The following ROS1 variants were observed in gnomAD, a reference collection of about 807,000 sequenced individuals.
The protein encoded by ROS1 is proto-oncogene tyrosine-protein kinase ROS.
ROS1 carries 263 observed loss-of-function variants against 273.5 expected under a neutral mutation model. The observed-to-expected ratio is 0.96, with a 90% CI of 0.87 to 1.06. The LOEUF (loss-of-function observed/expected upper bound fraction) is 1.06. Ranked by LOEUF, ROS1 falls within the 50% of genes least tolerant of loss-of-function variation. ROS1 has a pLI of 0.00. For missense variants in ROS1, 2,833 were observed against 2,751.1 expected, an observed-to-expected ratio of 1.03 and a Z score of -0.67; for synonymous variants, 1,008 against 954.1, an observed-to-expected ratio of 1.06 and a Z score of -1.04.
chr6:117,368,985 T>C (rs1349407561), intron 18 of ROS1, among the ~76,000 whole-genome samples: 1 of 152,222 alleles, frequency 6.6e-6, no homozygotes. Context: ...GTTTTTACTT[T>C]TTTTAATGAG....
chr6:117,386,640 A>G (rs1772604094), intron 15 of ROS1, among the ~76,000 whole-genome samples: 2 of 152,256 alleles, frequency 1.3e-5, no homozygotes. Context: ...CATCAGCATT[A>G]TATCAAAGCC....
intron 12 of ROS1, among the ~76,000 whole-genome samples, chr6:117,391,217 C>A (rs1030006820): frequency 6.6e-6 from 1 of 152,116 alleles, no homozygotes; most frequent in Non-Finnish European, 1.5e-5. Context: ...TCCCTGAGGA[C>A]GGATTGTAGC....
chr6:117,300,858 T>C, intron 43 of ROS1, 116 bp downstream of exon 43: 1 of 631,676 alleles, frequency 1.6e-6, no homozygotes, highest in Non-Finnish European at 2.5e-6. Flanking sequence ...ATGACAAAGG[T>C]GCCAGTATAT....
chr6:117,287,930 A>T lies in ROS1; in HGVS notation c.*562T>A, dbSNP rs985409780. On this transcript the variant is annotated 3_prime_UTR_variant, in exon 44 of 44. Coordinates refer to ENST00000368507, the MANE Select transcript of ROS1 (RefSeq NM_001378902.1). ...AAGACTTCGTCTCAAAAAAAAAAAA[A>T]AAAAATTAAAAAAAGATAATATATA... Among the ~76,000 whole-genome samples the T allele has an allele frequency of 2.0e-5, 3 of 151,952 alleles. No individual in the cohort carries two copies. Among genetic ancestry groups the T allele is most frequent in the Non-Finnish European group, 4.4e-5 (3 of 67,962 alleles).
At chr6:117,302,902 G>A (rs1305981651) in intron 42 of ROS1, among the ~76,000 whole-genome samples, 2 of 152,208 alleles carry the variant, frequency 1.3e-5, no homozygotes, top group Admixed American at 1.3e-4. Context: ...TACAGAGGAG[G>A]TTTCCAAACC....
At position 117,348,082 on chromosome 6, in the gene ROS1, C is replaced by T. The variant is rs149123675; in HGVS notation, c.4304-3820G>A. ...AGTTTTGGTTTTAGGGTAATTCTGG[C>T]CTAGAATAAACTCATTCATTGGCCT... On this transcript the variant is annotated intron_variant, in intron 27 of 43. Coordinates refer to ENST00000368507, the MANE Select transcript of ROS1 (RefSeq NM_001378902.1). 2.3e-3 allele frequency among the ~76,000 whole-genome samples: 348 copies of T among 151,988 alleles called. 2 individuals carry two copies. Among genetic ancestry groups the T allele is most frequent in the African/African-American group, 7.8e-3 (323 of 41,520 alleles).
rs772324949 is a variant in ROS1, at chr6:117,359,966, A to T, written c.3476T>A (p.Ile1159Lys). ...ATTTTGATCCATATCTAAAAAAACT[A>T]TCTTGTTACCAAGAAGAGTTATGAG... ...PHLITLLGNK[I>K]VFLDMDQNQV... is the part of the protein sequence containing the mutation. The change falls in exon 24 of 44, where the codon ATA (isoleucine) becomes AAA (lysine). Residue 1159 changes from isoleucine to lysine, a missense_variant. By Grantham distance (102) the Ile-to-Lys change is moderately radical. Coordinates refer to ENST00000368507, the MANE Select transcript of ROS1 (RefSeq NM_001378902.1). 6.2e-7 allele frequency: 1 copy of T among 1,613,806 alleles called. No homozygotes were observed. The highest frequency in any genetic ancestry group is 1.3e-5 in the African/African-American group (1 of 74,906).
intron 39 of ROS1, 64 bp from the exon 40 acceptor site, chr6:117,311,181 G>T: frequency 1.1e-6 from 1 of 908,986 alleles, no homozygotes; most frequent in Non-Finnish European, 1.7e-6. Context: ...ATACATATAT[G>T]TGTGAATATA....
chr6:117,329,369 C>G lies in ROS1; in HGVS notation c.5308G>C (p.Asp1770His), dbSNP rs12664076. 4.8e-3 allele frequency: 7,585 copies of G among 1,593,874 alleles called. 169 individuals are homozygous for G. The African/African-American group carries it at 0.056, about 12-fold the overall frequency. The change falls in exon 33 of 44, where the codon GAT becomes CAT. Residue 1770 changes from aspartate to histidine, a missense_variant. Transcript: ENST00000368507. ...TAGTATGTAATTCTACATCCATTAT[C>G]TTCAGCTTTCTCCCACTGTATTGAA... The part of the protein sequence containing the change: ...KNSIQWEKAE[D>H]NGCRITYYIL...
At chr6:117,378,923 C>T in intron 18 of ROS1, 136 bp downstream of exon 18, 2 of 599,360 alleles carry the variant, frequency 3.3e-6, no homozygotes, top group Non-Finnish European at 5.9e-6. Context: ...ACCTCTTTAC[C>T]CTACAAGCCC....
chr6:117,364,999 C>G, intron 21 of ROS1, 61 bp downstream of exon 21: 1 of 1,495,658 alleles, frequency 6.7e-7, no homozygotes, highest in Non-Finnish European at 9.2e-7. Context: ...CTATCCATTC[C>G]AGATCATGAA....
chr6:117,387,127 T>C (rs1582815138), intron 14 of ROS1, 128 bp from the exon 15 acceptor site: 1 of 506,974 alleles, frequency 2.0e-6, no homozygotes. Flanking sequence ...GTCAACACTT[T>C]GAAAAGTTCT....
intron 43 of ROS1, among the ~76,000 whole-genome samples, chr6:117,299,159 G>A (rs540520858): frequency 2.0e-5 from 3 of 152,308 alleles, no homozygotes; most frequent in East Asian, 1.9e-4. Context: ...GGGTTATGAC[G>A]CATGGCCAAG....
At chr6:117,347,685 A>G (rs1338314982) in intron 27 of ROS1, among the ~76,000 whole-genome samples, 6 of 151,976 alleles carry the variant, frequency 3.9e-5, no homozygotes, top group African/African-American at 1.5e-4. Flanking sequence ...CTCACTATTA[A>G]GTAATGATGT....
chr6:117,415,859 C>A (rs1775295909), intron 3 of ROS1, among the ~76,000 whole-genome samples: 1 of 152,152 alleles, frequency 6.6e-6, no homozygotes. Context: ...AGTGCAGAAT[C>A]TCAGGCTCCA....
chr6:117,369,504 G>C (rs1336918806), intron 18 of ROS1, among the ~76,000 whole-genome samples: 1 of 151,956 alleles, frequency 6.6e-6, no homozygotes, highest in Non-Finnish European at 1.5e-5. Context: ...AACCCGGGAG[G>C]CGGAGCTTGC....
At chr6:117,329,197 A>T (rs2128592554) in intron 33 of ROS1, 132 bp downstream of exon 33, 1 of 624,614 alleles carries the variant, frequency 1.6e-6, no homozygotes, top group South Asian at 2.1e-5. Context: ...GTAATGATGC[A>T]TGTGAGTCCT....
At chr6:117,418,364 T>G (rs1323624633) in intron 2 of ROS1, 98 bp downstream of exon 2, 2 of 824,920 alleles carry the variant, frequency 2.4e-6, no homozygotes, top group African/African-American at 3.6e-5. Context: ...TAAATGAGAT[T>G]TTACTTAGCA....
At chr6:117,378,237 C>A (rs1781497846) in intron 18 of ROS1, among the ~76,000 whole-genome samples, 1 of 152,022 alleles carries the variant, frequency 6.6e-6, no homozygotes, top group African/African-American at 2.4e-5. Context: ...TGCATAATAA[C>A]CAAAATTAGG....
Sources: gnomAD v4.1 joint callset for allele counts (sites outside exome capture counted in the v4.1 genomes callset) on GRCh38, gnomAD v4.1.1 for gene constraint, MANE v1.5 for transcripts, NCBI Gene and HGNC (gene_info 2026-07-23, HGNC 2026-07-21) for gene names.